Variants in NTSR1 observed in about 807,000 individuals in gnomAD.
The protein encoded by NTSR1 is neurotensin receptor type 1.
In NTSR1, 29 loss-of-function variants were observed where a neutral mutation model predicts 31.2. The observed-to-expected ratio is 0.93, with a 90% CI of 0.69 to 1.27. The LOEUF (loss-of-function observed/expected upper bound fraction) is 1.27. NTSR1 is among the 50% of genes most tolerant of loss of function. The pLI is 0.00. For missense variants in NTSR1, 697 were observed against 595.4 expected (o/e 1.17, Z -1.78); for synonymous variants, 282 against 269.9 (o/e 1.04, Z -0.44).
intron 1 of NTSR1, among the ~76,000 whole-genome samples, chr20:62,734,801 C>T (rs1356974627): frequency 6.6e-6 from 1 of 152,248 alleles, no homozygotes; most frequent in Non-Finnish European, 1.5e-5. Flanking sequence ...ATTTTGAATA[C>T]ATTAAGTTAA....
intron 1 of NTSR1, among the ~76,000 whole-genome samples, chr20:62,725,034 C>T (rs1461745866): frequency 6.6e-6 from 1 of 152,236 alleles, no homozygotes; most frequent in East Asian, 1.9e-4. Context: ...CGTATCTTTT[C>T]GGGGCTACCA....
intron 1 of NTSR1, among the ~76,000 whole-genome samples, chr20:62,738,847 C>T (rs1245805464): frequency 6.6e-5 from 10 of 152,222 alleles, no homozygotes; most frequent in Admixed American, 6.5e-4. Context: ...AGCCCATCCC[C>T]TTCCATCATG....
intron 1 of NTSR1, among the ~76,000 whole-genome samples, chr20:62,729,268 T>A (rs910111423): frequency 2.0e-5 from 3 of 152,006 alleles, no homozygotes; most frequent in Admixed American, 2.0e-4. Context: ...GGGGAGAGAG[T>A]AGCTCCCTGG....
intron 1 of NTSR1, among the ~76,000 whole-genome samples, chr20:62,735,712 C>G (rs11086121): frequency 1.3e-5 from 2 of 151,978 alleles, no homozygotes; most frequent in South Asian, 2.1e-4. Flanking sequence ...GGAGTCCCCC[C>G]GACACGGCGA....
chr20:62,712,634 A>C (rs150679769), intron 1 of NTSR1, among the ~76,000 whole-genome samples: 1 of 152,312 alleles, frequency 6.6e-6, no homozygotes, highest in East Asian at 1.9e-4. Context: ...AAGGCCCCAG[A>C]CCTGGCCCTG....
intron 2 of NTSR1, chr20:62,756,753 T>G (rs1026959013): frequency 2.6e-5 from 4 of 152,244 alleles, no homozygotes; most frequent in African/African-American, 9.6e-5. Flanking sequence ...CTGGTCCCAG[T>G]GTGTGCCTGT....
In NTSR1 at chr20:62,760,249, C is replaced by G; in HGVS notation, c.1239C>G (p.Thr413=). Residue 413 remains threonine, a synonymous_variant, in exon 4 of 4, where the codon ACC becomes ACG. Coordinates refer to ENST00000370501, the MANE Select transcript of NTSR1 (RefSeq NM_002531.3). ...ACCACACCCTCTCCAGCAATGCCACCCGCGAGACGCTGTACTAGGCTGTGC... is the reference window on the plus strand; with the variant it reads ...ACCACACCCTCTCCAGCAATGCCACGCGCGAGACGCTGTACTAGGCTGTGC... ...SSNHTLSSNA[T]RETLY 1 of 1,612,262 alleles carries G rather than the reference C, an allele frequency of 6.2e-7. No individual in the cohort carries two copies. Among genetic ancestry groups the G allele is most frequent in the Non-Finnish European group, 8.5e-7 (1 of 1,179,548 alleles).
intron 1 of NTSR1, among the ~76,000 whole-genome samples, chr20:62,723,415 A>G (rs1050122440): frequency 1.3e-5 from 2 of 152,206 alleles, no homozygotes; most frequent in African/African-American, 4.8e-5. Flanking sequence ...GGAGCTGCGA[A>G]TAGAGCCGTC....
intron 1 of NTSR1, among the ~76,000 whole-genome samples, chr20:62,747,588 A>G (rs966637807): frequency 6.6e-6 from 1 of 152,240 alleles, no homozygotes; most frequent in Non-Finnish European, 1.5e-5. Flanking sequence ...CTTTTTCTCT[A>G]AGGTCAGGCA....
rs1283103044 is a variant in NTSR1, at chr20:62,760,436, A to G, written c.*169A>G. The G allele has an allele frequency of 1.7e-6, 1 of 578,468 alleles. No individual in the cohort carries two copies. The highest frequency in any genetic ancestry group is 2.8e-6 in the Non-Finnish European group (1 of 361,332). The allele number at this position is 578,468 out of a possible 1,614,324, so 35.8% of individuals were successfully genotyped here. A position where few individuals can be genotyped will look rare whatever the true frequency, so the allele number is the denominator to read the frequency against. ...TCCCACCCCCTAACCCATGTTTCTC[A>G]TTAGTGTCTCCCGGGCCTGTCCCCA... On this transcript the variant is annotated 3_prime_UTR_variant, in exon 4 of 4. Coordinates refer to ENST00000370501, the MANE Select transcript of NTSR1 (RefSeq NM_002531.3).
rs764341238 is a variant in NTSR1 at position 62,709,751 on chromosome 20, C to T, written c.544C>T (p.Arg182Ter). Residue 182 changes from arginine to a stop codon, truncating the protein, a stop_gained, in exon 1 of 4, where the codon CGA becomes TGA. Transcript: ENST00000370501. LOFTEE classifies it high-confidence loss of function. ...CTTCAAGGCCAAGACCCTCATGTCC[C>T]GAAGCCGCACCAAGAAGTTCATCAG... ...HPFKAKTLMSRSRTKKFISAI... is the reference protein window; with the variant it reads ...HPFKAKTLMS The T allele has an allele frequency of 1.9e-6, 3 of 1,612,908 alleles. No homozygotes were observed. Among genetic ancestry groups the T allele is most frequent in the Admixed American group, 1.7e-5 (1 of 60,006 alleles).
chr20:62,751,896 A>G (rs1165368915), intron 1 of NTSR1, among the ~76,000 whole-genome samples: 2 of 152,086 alleles, frequency 1.3e-5, no homozygotes, highest in Admixed American at 6.5e-5. Context: ...TGTCTCCATC[A>G]CAGATGGAGC....
At chr20:62,746,541 A>T (rs1989304413) in intron 1 of NTSR1, among the ~76,000 whole-genome samples, 1 of 152,080 alleles carries the variant, frequency 6.6e-6, no homozygotes, top group Non-Finnish European at 1.5e-5. Flanking sequence ...TAGACTAACC[A>T]AGAAAAAAGA....
chr20:62,725,058 A>C (rs1174996882), intron 1 of NTSR1, among the ~76,000 whole-genome samples: 1 of 152,160 alleles, frequency 6.6e-6, no homozygotes. Context: ...ACTCCACAAC[A>C]CCACAATTCA....
At chr20:62,725,808 G>A (rs904256376) in intron 1 of NTSR1, among the ~76,000 whole-genome samples, 2 of 152,194 alleles carry the variant, frequency 1.3e-5, no homozygotes, top group East Asian at 3.9e-4. Flanking sequence ...AAGAAGGGAG[G>A]TGGAAGAAGG....
chr20:62,750,281 G>A (rs1989370620), intron 1 of NTSR1, among the ~76,000 whole-genome samples: 1 of 152,220 alleles, frequency 6.6e-6, no homozygotes, highest in African/African-American at 2.4e-5. Context: ...AGAGCACTGA[G>A]TGCTGGGGGA....
intron 1 of NTSR1, among the ~76,000 whole-genome samples, chr20:62,739,858 G>A (rs544166592): frequency 2.0e-4 from 31 of 152,370 alleles, no homozygotes; most frequent in Middle Eastern, 3.4e-3. Context: ...ACAGGCCGGC[G>A]GGGTGCGGGA....
chr20:62,736,185 G>A (rs1989088697), intron 1 of NTSR1, among the ~76,000 whole-genome samples: 1 of 152,202 alleles, frequency 6.6e-6, no homozygotes, highest in Admixed American at 6.5e-5. Context: ...GCCTCGGGCA[G>A]GGGCATCGTG....
At position 62,754,548 on chromosome 20, in the gene NTSR1, G is replaced by A. The variant is rs181592455; in HGVS notation, c.715-137G>A. ...TCTTCCGGGCAGCCGGGATAGGGCC[G>A]GACCTCCTGAACTTGTGTTGACTGA... On this transcript the variant is annotated intron_variant, in intron 1 of 3. Transcript: ENST00000370501. 3.9e-3 allele frequency: 2,862 copies of A among 739,286 alleles called. 13 individuals are homozygous for A. Among genetic ancestry groups the A allele is most frequent in the Non-Finnish European group, 5.1e-3 (2,154 of 425,600 alleles). The allele number at this position is 739,286 out of a possible 1,614,324, so 45.8% of individuals were successfully genotyped here.
Sources: allele counts gnomAD v4.1 joint callset (sites outside exome capture counted in the v4.1 genomes callset), GRCh38; gene constraint gnomAD v4.1.1; transcripts MANE v1.5; gene names NCBI Gene and HGNC (gene_info 2026-07-23, HGNC 2026-07-21).